PLCD1: variants seen among roughly 807,000 people sequenced by gnomAD.
The protein encoded by PLCD1 is phospholipase C delta 1, also known as 1-phosphatidylinositol 4,5-bisphosphate phosphodiesterase delta-1.
In PLCD1, 71 loss-of-function variants were observed where a neutral mutation model predicts 87.4. That is an observed-to-expected ratio of 0.81 (90% CI 0.67 to 0.99). The LOEUF (loss-of-function observed/expected upper bound fraction) is 0.99. PLCD1 is among the 50% of genes least tolerant of loss of function. The probability of loss-of-function intolerance (pLI) is 0.00; values close to 1 mark genes in which losing one functional copy is unlikely to be tolerated. For missense variants in PLCD1, 867 were observed against 1,001.5 expected (o/e 0.87, Z 1.81); for synonymous variants, 348 against 399.2 (o/e 0.87, Z 1.53).
chr3:38,008,042 A>G lies in PLCD1; in HGVS notation c.2157T>C (p.Ser719=), dbSNP rs368105415. Residue 719 remains serine, a synonymous_variant, in exon 14 of 15, where the codon AGT becomes AGC. Transcript: ENST00000334661. ...ASSKNDFIGQ[S]TIPLNSLKQG... is the part of the protein sequence containing the mutation. ...GCTTGAGGCTGTTCAAGGGGATGGT[A>G]CTCTGGCCAATGAAGTCATTCTTGG... 18 of 1,613,960 alleles carry G rather than the reference A, an allele frequency of 1.1e-5. No individual in the cohort carries two copies. Among genetic ancestry groups the G allele is most frequent in the Non-Finnish European group, 1.5e-5 (18 of 1,180,016 alleles).
chr3:38,013,661 C>T (rs1700116339), intron 3 of PLCD1, among the ~76,000 whole-genome samples: 1 of 152,178 alleles, frequency 6.6e-6, no homozygotes, highest in African/African-American at 2.4e-5. Context: ...TAATGTTCCA[C>T]TGAGTGTATG....
At chr3:38,011,748 C>G in intron 3 of PLCD1, 75 bp from the exon 4 acceptor site, 1 of 1,451,702 alleles carries the variant, frequency 6.9e-7, no homozygotes, top group African/African-American at 1.4e-5. Context: ...TGGATGGCTC[C>G]AGCTGAAGCC....
intron 13 of PLCD1, 26 bp downstream of exon 13, chr3:38,008,209 T>C: frequency 1.2e-6 from 2 of 1,613,782 alleles, no homozygotes; most frequent in Non-Finnish European, 1.7e-6. Flanking sequence ...CCAGCCCTAG[T>C]AGCCCAGCCC....
Position 38,017,851 on chromosome 3 carries a change from C to T in PLCD1, c.200-1132G>A, listed in dbSNP as rs1700180741. On this transcript the variant is annotated intron_variant, in intron 2 of 14. Coordinates refer to ENST00000334661, the MANE Select transcript of PLCD1 (RefSeq NM_006225.4). The surrounding 1 kb of genome is among the most constrained non-coding windows in gnomAD (Gnocchi z 4.7). ...GGCTTTGAGGAGTGGGACACATGAG[C>T]CCAGGGCCATGTGGGGGACAGAGGA... 6.6e-6 allele frequency among the ~76,000 whole-genome samples: 1 copy of T among 152,306 alleles called. No homozygotes were observed. The highest frequency in any genetic ancestry group is 2.4e-5 in the African/African-American group (1 of 41,570).
In PLCD1 at chr3:38,008,910, G is replaced by C; in HGVS notation, c.1723+132C>G. The C allele has an allele frequency of 6.7e-6, 5 of 745,086 alleles. No individual in the cohort carries two copies. The South Asian group carries it at 8.1e-5, about 12-fold the overall frequency. The allele number at this position is 745,086 out of a possible 1,614,324, so 46.2% of individuals were successfully genotyped here. The stretch of plus-strand genomic sequence containing the variant: ...AGATATTTCCAGACTGATATTACCA[G>C]CTCCACAAGCCCCTGCATTTGACCC... On this transcript the variant is annotated intron_variant, in intron 11 of 14. Transcript: ENST00000334661.
In PLCD1 at chr3:38,009,074, G is replaced by C; in HGVS notation, c.1691C>G (p.Pro564Arg). 1 of 1,613,622 alleles carries C rather than the reference G, an allele frequency of 6.2e-7. No individual in the cohort carries two copies. Among genetic ancestry groups the C allele is most frequent in the East Asian group, 2.2e-5 (1 of 44,880 alleles). Residue 564 changes from proline (P) to arginine (R), a missense_variant, in exon 11 of 15, where the codon CCC (proline) becomes CGC (arginine). Transcript: ENST00000334661. ...GWRTDSSNYS[P>R]VEMWNGGCQI... Reference sequence around the variant, plus strand: ...GCAGCCCCCATTCCACATCTCCACGGGGCTGTAGTTGGAGGAGTCTGTTCT... The same window carrying C: ...GCAGCCCCCATTCCACATCTCCACGCGGCTGTAGTTGGAGGAGTCTGTTCT...
intron 1 of PLCD1, among the ~76,000 whole-genome samples, chr3:38,021,839 C>T (rs560702976): frequency 1.6e-4 from 25 of 152,236 alleles, no homozygotes; most frequent in South Asian, 6.2e-4. Context: ...TTTTCTGAGC[C>T]CAGATCCCCA....
At chr3:38,023,366 C>T (rs1700261792) in intron 1 of PLCD1, among the ~76,000 whole-genome samples, 1 of 152,198 alleles carries the variant, frequency 6.6e-6, no homozygotes, top group Non-Finnish European at 1.5e-5. Flanking sequence ...TGCATAGCCA[C>T]ACAACATATA....
At position 38,024,532 on chromosome 3, in the gene PLCD1, C is replaced by A. The variant is rs777441423; in HGVS notation, c.35-4180G>T. 8 of 1,514,988 alleles carry A rather than the reference C, an allele frequency of 5.3e-6. No individual in the cohort carries two copies. In the African/African-American group the frequency reaches 6.9e-5, roughly 13 times the overall value. 93.8% of individuals were successfully genotyped at this position (1,514,988 alleles called of 1,614,324 possible). On this transcript the variant is annotated intron_variant, in intron 1 of 14. Transcript: ENST00000334661. Reference sequence around the variant, plus strand: ...ACACCCTCTGCTCTGGTCCGGGGGGCGGAACTGTCGCCCTTGGAGGGGAGC... The same window carrying A: ...ACACCCTCTGCTCTGGTCCGGGGGGAGGAACTGTCGCCCTTGGAGGGGAGC...
intron 1 of PLCD1, chr3:38,024,537 C>A: frequency 6.6e-7 from 1 of 1,514,558 alleles, no homozygotes; most frequent in Non-Finnish European, 8.8e-7. Context: ...GGGGGCGGAA[C>A]TGTCGCCCTT....
At chr3:38,029,459 G>A (rs1323479407) in intron 1 of PLCD1, 47 bp downstream of exon 1, 11 of 1,516,008 alleles carry the variant, frequency 7.3e-6, no homozygotes, top group East Asian at 4.9e-5. Flanking sequence ...AGCTTTCCAG[G>A]GGTCCACCCC....
Position 38,029,085 on chromosome 3 carries a change from C to T in PLCD1, c.34+421G>A, listed in dbSNP as rs575625345. Among the ~76,000 whole-genome samples the T allele has an allele frequency of 2.1e-3, 316 of 152,336 alleles. 5 individuals carry two copies. The highest frequency in any genetic ancestry group is 4.1e-4 in the Non-Finnish European group (28 of 68,016). ...GCGGCCTGACGCGGTCCAGGCACGC[C>T]CAGGCTTTGGGGAGCCTCTGGGGCG... On this transcript the variant is annotated intron_variant, in intron 1 of 14. Transcript: ENST00000334661.
chr3:38,028,358 C>T (rs1255588661), intron 1 of PLCD1, among the ~76,000 whole-genome samples: 1 of 152,230 alleles, frequency 6.6e-6, no homozygotes, highest in Non-Finnish European at 1.5e-5. Context: ...GGGCACAGAG[C>T]AAGGTCTCTC....
intron 3 of PLCD1, among the ~76,000 whole-genome samples, chr3:38,015,169 G>T (rs1228849397): frequency 1.3e-5 from 2 of 152,170 alleles, no homozygotes; most frequent in Non-Finnish European, 2.9e-5. Flanking sequence ...CTTCATAAAA[G>T]CCCCAAAGTG....
chr3:38,010,617 G>T, intron 5 of PLCD1, 55 bp from the exon 6 acceptor site: 1 of 1,465,910 alleles, frequency 6.8e-7, no homozygotes, highest in Non-Finnish European at 9.4e-7. Flanking sequence ...GGCGCTCCTG[G>T]CTGCCCACCC....
intron 11 of PLCD1, 60 bp downstream of exon 11, chr3:38,008,982 C>T: frequency 7.2e-7 from 1 of 1,382,454 alleles, no homozygotes; most frequent in South Asian, 1.2e-5. Context: ...AGGCTCCAGG[C>T]CCCCGGCCTT....
chr3:38,020,258 C>G lies in PLCD1; in HGVS notation c.129G>C (p.Lys43Asn). Residue 43 changes from lysine to asparagine, a missense_variant, in exon 2 of 15, where the codon AAG (lysine) becomes AAC (asparagine). Transcript: ENST00000334661. ...AGATGGTCTTGCAGTCCTCCTGCAA[C>G]TTGTAGAAGCGCTCTCTCCTCCATG... ...SSSWRRERFYKLQEDCKTIWQ... is the reference protein window; with the variant it reads ...SSSWRRERFYNLQEDCKTIWQ... The G allele has an allele frequency of 1.9e-6, 3 of 1,614,108 alleles. No individual in the cohort carries two copies. The highest frequency in any genetic ancestry group is 1.7e-6 in the Non-Finnish European group (2 of 1,179,986).
At chr3:38,016,047 C>T (rs568752857) in intron 3 of PLCD1, among the ~76,000 whole-genome samples, 1 of 152,154 alleles carries the variant, frequency 6.6e-6, no homozygotes, top group East Asian at 1.9e-4. Flanking sequence ...GAATTGTATA[C>T]CCCACCCCCC....
rs1445119495 is a variant in PLCD1, at chr3:38,018,176, C to A, written c.200-1457G>T. On this transcript the variant is annotated intron_variant, in intron 2 of 14. Coordinates refer to ENST00000334661, the MANE Select transcript of PLCD1 (RefSeq NM_006225.4). This position sits in a 1 kb window ranked among gnomAD's most constrained non-coding sequence, Gnocchi z 5.7. ...GGCAGAAGGGGAGGCTATTCCAGGC[C>A]TCCCTCACCTGGCCTCTGTTTTCCA... Among the ~76,000 whole-genome samples the A allele has an allele frequency of 6.6e-6, 1 of 152,176 alleles. No homozygotes were observed. Among genetic ancestry groups the A allele is most frequent in the African/African-American group, 2.4e-5 (1 of 41,446 alleles).
Sources: allele counts gnomAD v4.1 joint callset (sites outside exome capture counted in the v4.1 genomes callset), GRCh38; gene constraint gnomAD v4.1.1; non-coding constraint Gnocchi (gnomAD v3.1); transcripts MANE v1.5; gene names NCBI Gene and HGNC (gene_info 2026-07-23, HGNC 2026-07-21).